The following NTM variants were observed in gnomAD, a reference collection of about 807,000 sequenced individuals.
The protein encoded by NTM is neurotrimin, also known as IgLON family member 2.
In NTM, 13 loss-of-function variants were observed where a neutral mutation model predicts 42.1. That is an observed-to-expected ratio of 0.31 (90% CI 0.20 to 0.49). The LOEUF (loss-of-function observed/expected upper bound fraction) is 0.49, where lower values mean the gene tolerates loss of function less well. Ranked by LOEUF, NTM falls within the 20% of genes least tolerant of loss-of-function variation. The pLI, the probability that NTM is intolerant of heterozygous loss-of-function variation, is 0.99. For synonymous variants in NTM, 187 were observed against 179.2 expected (o/e 1.04, Z -0.35); for missense variants, 373 against 452.8 (o/e 0.82, Z 1.60).
intron 4 of NTM, among the ~76,000 whole-genome samples, chr11:132,216,880 A>G (rs1276522315): frequency 1.3e-5 from 2 of 152,170 alleles, no homozygotes; most frequent in East Asian, 1.9e-4. Context: ...TCTCCAGGAC[A>G]TTTTCTCTGG....
chr11:132,161,370 CTTTTTTTTTTTT>C (rs55732584), intron 3 of NTM, among the ~76,000 whole-genome samples: 3 of 64,062 alleles, frequency 4.7e-5, no homozygotes, highest in African/African-American at 7.0e-5. Flanking sequence ...TTTCGAGCAG[CTTTTTTTTTTTT>C]TTTTTTTTTT....
At chr11:131,558,774 A>T (rs2055806997) in intron 1 of NTM, among the ~76,000 whole-genome samples, 2 of 152,134 alleles carry the variant, frequency 1.3e-5, no homozygotes, top group African/African-American at 4.8e-5. Context: ...CTGGAGGAGA[A>T]GGGGTGCCAT....
intron 1 of NTM, chr11:131,539,383 C>T (rs977891884): frequency 6.6e-6 from 1 of 152,172 alleles, no homozygotes; most frequent in Admixed American, 6.5e-5. Flanking sequence ...AGCATGTAGG[C>T]GAATGTGAAT....
At chr11:131,848,916 T>C (rs2045223709) in intron 1 of NTM, among the ~76,000 whole-genome samples, 2 of 152,236 alleles carry the variant, frequency 1.3e-5, no homozygotes. Context: ...TACTTGTCAA[T>C]GTTTCCAGAA....
chr11:131,743,194 C>A (rs1467465159), intron 1 of NTM, among the ~76,000 whole-genome samples: 2 of 151,358 alleles, frequency 1.3e-5, no homozygotes, highest in Non-Finnish European at 2.9e-5. Context: ...TATTATTAAC[C>A]CTTTCCTAAT....
intron 2 of NTM, among the ~76,000 whole-genome samples, chr11:132,121,248 T>C (rs978701836): frequency 1.3e-5 from 2 of 152,160 alleles, no homozygotes; most frequent in Non-Finnish European, 2.9e-5. Context: ...GCTTTGAATA[T>C]GAAATCAGGG....
At chr11:132,104,932 CAT>C (rs1555263232) in intron 2 of NTM, among the ~76,000 whole-genome samples, 2 of 15,850 alleles carry the variant, frequency 1.3e-4, no homozygotes, top group Admixed American at 1.0e-3. Context: ...TCCATATATA[CAT>C]ATGTATATAT....
At chr11:132,056,634 G>T (rs1370536402) in intron 2 of NTM, among the ~76,000 whole-genome samples, 2 of 152,158 alleles carry the variant, frequency 1.3e-5, no homozygotes, top group Admixed American at 6.5e-5. Flanking sequence ...TGGACTCAGG[G>T]AATCTTATAT....
At chr11:132,252,277 A>G (rs983806284) in intron 4 of NTM, among the ~76,000 whole-genome samples, 1 of 152,120 alleles carries the variant, frequency 6.6e-6, no homozygotes, top group Non-Finnish European at 1.5e-5. Context: ...TATCAGCTCT[A>G]CCATCCTAAC....
Position 131,463,912 on chromosome 11 carries a change from T to C in NTM, c.82+93024T>C, listed in dbSNP as rs539025692. 1.2e-3 allele frequency among the ~76,000 whole-genome samples: 189 copies of C among 152,332 alleles called. 2 individuals are homozygous for C. The highest frequency in any genetic ancestry group is 4.3e-3 in the African/African-American group (180 of 41,586). ...CTGGCAGCTTCTGGCTCCCAGAGATTGGTTTATCACCAGGTTTCTGATGAA... is the reference window on the plus strand; with the variant it reads ...CTGGCAGCTTCTGGCTCCCAGAGATCGGTTTATCACCAGGTTTCTGATGAA... On this transcript the variant is annotated intron_variant, in intron 1 of 8. Transcript: ENST00000683400.
intron 1 of NTM, among the ~76,000 whole-genome samples, chr11:131,405,351 A>G (rs568907082): frequency 1.6e-4 from 25 of 152,280 alleles, no homozygotes; most frequent in Middle Eastern, 6.8e-3. Flanking sequence ...TAGTCCAACT[A>G]TCTTCTGCCC....
At position 132,282,036 on chromosome 11, in the gene NTM, G is replaced by A. The variant is rs185352797; in HGVS notation, c.527-25653G>A. 7.2e-5 allele frequency among the ~76,000 whole-genome samples: 11 copies of A among 152,192 alleles called. No homozygotes were observed. The East Asian group carries it at 2.1e-3, about 29-fold the overall frequency. On this transcript the variant is annotated intron_variant, in intron 4 of 8. Transcript: ENST00000683400. ...TATTGATATTTCAGAAATGCTGCCAGGCCTTTATGTAACTAGTTGCTATTT... is the reference window on the plus strand; with the variant it reads ...TATTGATATTTCAGAAATGCTGCCAAGCCTTTATGTAACTAGTTGCTATTT...
chr11:132,096,553 A>G (rs1190107945), intron 2 of NTM, among the ~76,000 whole-genome samples: 1 of 152,204 alleles, frequency 6.6e-6, no homozygotes, highest in East Asian at 1.9e-4. Flanking sequence ...TAATGATCTT[A>G]CAAGCAATGT....
chr11:131,966,307 G>A (rs573857048), intron 2 of NTM, among the ~76,000 whole-genome samples: 2 of 152,232 alleles, frequency 1.3e-5, no homozygotes, highest in South Asian at 4.2e-4. Flanking sequence ...AAGGAGCCTA[G>A]GATACATCAG....
intron 1 of NTM, chr11:131,671,680 T>TGTGAATTAGCCCAAGGCGTC: frequency 1.2e-6 from 1 of 859,936 alleles, no homozygotes; most frequent in Non-Finnish European, 1.4e-6. Flanking sequence ...AGCAGACGCC[T>TGTGAATTAGCCCAAGGCGTC]TGGGCTAATT....
intron 3 of NTM, among the ~76,000 whole-genome samples, chr11:132,154,126 A>G (rs1392493588): frequency 6.6e-6 from 1 of 152,188 alleles, no homozygotes; most frequent in Non-Finnish European, 1.5e-5. Flanking sequence ...AAATCACTCA[A>G]TATATGGCTA....
intron 4 of NTM, among the ~76,000 whole-genome samples, chr11:132,225,872 C>G (rs1020859392): frequency 3.3e-5 from 5 of 152,030 alleles, no homozygotes; most frequent in Non-Finnish European, 1.5e-5. Context: ...GCCCCCCAAC[C>G]CCCTGACAGG....
At chr11:132,284,416 CTT>C (rs1439377743) in intron 4 of NTM, 1 of 152,336 alleles carries the variant, frequency 6.6e-6, no homozygotes, top group East Asian at 1.9e-4. Context: ...GTCCTGATCT[CTT>C]CTCCTAAGGA....
intron 2 of NTM, among the ~76,000 whole-genome samples, chr11:132,037,472 T>C (rs1414048917): frequency 6.6e-6 from 1 of 152,182 alleles, no homozygotes; most frequent in Non-Finnish European, 1.5e-5. Context: ...AATAGTCAAA[T>C]AGGCCAGACA....
Sources: gnomAD v4.1 joint callset for allele counts (sites outside exome capture counted in the v4.1 genomes callset) on GRCh38, gnomAD v4.1.1 for gene constraint, MANE v1.5 for transcripts, NCBI Gene and HGNC (gene_info 2026-07-23, HGNC 2026-07-21) for gene names.